USH2A: variants seen among roughly 807,000 people sequenced by gnomAD.
The protein encoded by USH2A is usherin.
USH2A carries 443 observed loss-of-function variants against 538.9 expected under a neutral mutation model. The observed-to-expected ratio is 0.82, with a 90% confidence interval of 0.76 to 0.89. USH2A has a LOEUF of 0.89. Ranked by LOEUF, USH2A falls within the 40% of genes least tolerant of loss-of-function variation. The probability of loss-of-function intolerance (pLI) is 0.00; values close to 1 mark genes in which losing one functional copy is unlikely to be tolerated. For synonymous variants in USH2A, 2,413 were observed against 2,273.5 expected, an observed-to-expected ratio of 1.06 and a Z score of -1.75; for missense variants, 6,633 against 6,324.8, an observed-to-expected ratio of 1.05 and a Z score of -1.65.
chr1:215,774,854 A>G (rs929407904), intron 55 of USH2A, among the ~76,000 whole-genome samples: 4 of 152,042 alleles, frequency 2.6e-5, no homozygotes, highest in African/African-American at 9.7e-5. Flanking sequence ...ATATTTTATC[A>G]ATAGGCAGGT....
At chr1:216,163,772 T>C (rs2034113637) in intron 21 of USH2A, among the ~76,000 whole-genome samples, 1 of 151,898 alleles carries the variant, frequency 6.6e-6, no homozygotes, top group Admixed American at 6.6e-5. Flanking sequence ...TAGACTCTAA[T>C]TTTTTGCCTG....
At chr1:215,984,023 C>A (rs1004446178) in intron 35 of USH2A, among the ~76,000 whole-genome samples, 2 of 152,186 alleles carry the variant, frequency 1.3e-5, no homozygotes, top group Non-Finnish European at 2.9e-5. Flanking sequence ...AGAATGAGTT[C>A]TGAGACTCCA....
chr1:216,084,210 AATGGCAGGG>A lies in USH2A; in HGVS notation c.5167+479_5167+487del, dbSNP rs145328997. 1.0e-3 allele frequency among the ~76,000 whole-genome samples: 159 copies of A among 152,124 alleles called. 2 individuals carry two copies. Among genetic ancestry groups the A allele is most frequent in the East Asian group, 9.3e-3 (48 of 5,172 alleles). On this transcript the variant is annotated intron_variant, in intron 25 of 71. Transcript: ENST00000307340. ...CCCCTTTCATTGTAGCCTTTTGAGC[AATGGCAGGG>A]ATGGTGGTTCTAGTCTCCAGTTCTC...
intron 9 of USH2A, among the ~76,000 whole-genome samples, chr1:216,297,943 A>G (rs1263975258): frequency 6.6e-6 from 1 of 152,162 alleles, no homozygotes; most frequent in Non-Finnish European, 1.5e-5. Flanking sequence ...TTGGATTTGA[A>G]GGAGAGAAAT....
chr1:215,845,672 T>A, intron 45 of USH2A, 152 bp downstream of exon 45: 3 of 750,328 alleles, frequency 4.0e-6, no homozygotes, highest in East Asian at 2.7e-5. Context: ...CTGCTACTGA[T>A]GACAGTGAGC....
intron 44 of USH2A, among the ~76,000 whole-genome samples, chr1:215,848,889 T>A (rs1313937958): frequency 2.0e-5 from 3 of 152,170 alleles, no homozygotes; most frequent in Non-Finnish European, 4.4e-5. Flanking sequence ...TCAAATAAGG[T>A]CTTTAAACTT....
chr1:215,814,423 A>G (rs1662799183), intron 48 of USH2A, among the ~76,000 whole-genome samples: 1 of 151,716 alleles, frequency 6.6e-6, no homozygotes, highest in African/African-American at 2.4e-5. Context: ...CAGGTATTGC[A>G]GTGAAAGACA....
intron 3 of USH2A, among the ~76,000 whole-genome samples, chr1:216,402,989 A>C (rs1037025687): frequency 6.6e-6 from 1 of 152,208 alleles, no homozygotes; most frequent in African/African-American, 2.4e-5. Context: ...ATCTTAAAAC[A>C]TTAAGTTTCT....
intron 55 of USH2A, among the ~76,000 whole-genome samples, chr1:215,772,978 T>C (rs1483807154): frequency 6.6e-6 from 1 of 152,202 alleles, no homozygotes; most frequent in Non-Finnish European, 1.5e-5. Context: ...TCACCCAAAC[T>C]GGATGTGTGG....
chr1:216,050,580 C>CCTTTCCTTTCCT (rs1255394896), intron 30 of USH2A, among the ~76,000 whole-genome samples: 2 of 30,352 alleles, frequency 6.6e-5, no homozygotes, highest in Non-Finnish European at 1.6e-4. Flanking sequence ...TTCTTTCTTT[C>CCTTTCCTTTCCT]TTTCTTTCTT....
intron 21 of USH2A, among the ~76,000 whole-genome samples, chr1:216,138,159 A>T (rs1219787332): frequency 6.6e-6 from 1 of 152,202 alleles, no homozygotes; most frequent in African/African-American, 2.4e-5. Flanking sequence ...GCTACAGATT[A>T]TAAGAGTTTT....
intron 4 of USH2A, among the ~76,000 whole-genome samples, chr1:216,337,502 C>T (rs370727564): frequency 7.3e-5 from 11 of 151,350 alleles, no homozygotes; most frequent in Admixed American, 5.3e-4. Flanking sequence ...ACATAATATA[C>T]AAGTAGAAAA....
At chr1:215,842,471 G>T (rs891627003) in intron 46 of USH2A, among the ~76,000 whole-genome samples, 2 of 152,116 alleles carry the variant, frequency 1.3e-5, no homozygotes, top group South Asian at 2.1e-4. Context: ...TATACCCAAA[G>T]AAATATAAAT....
At chr1:216,006,349 T>A (rs185164116) in intron 32 of USH2A, among the ~76,000 whole-genome samples, 1 of 152,154 alleles carries the variant, frequency 6.6e-6, no homozygotes, top group African/African-American at 2.4e-5. Context: ...CTTGGTACCT[T>A]CTTATTCCCA....
intron 61 of USH2A, among the ~76,000 whole-genome samples, chr1:215,712,698 A>T (rs934149000): frequency 1.3e-5 from 2 of 152,126 alleles, no homozygotes; most frequent in Non-Finnish European, 2.9e-5. Flanking sequence ...TGCTACTAAC[A>T]TATTTAGTGA....
chr1:215,794,808 G>T (rs1003866466), intron 50 of USH2A, among the ~76,000 whole-genome samples: 2 of 152,132 alleles, frequency 1.3e-5, no homozygotes, highest in Non-Finnish European at 2.9e-5. Flanking sequence ...AGTAAATAAA[G>T]AAGTGATTCT....
intron 4 of USH2A, among the ~76,000 whole-genome samples, chr1:216,328,218 A>G (rs1421297272): frequency 6.6e-6 from 1 of 152,152 alleles, no homozygotes; most frequent in Non-Finnish European, 1.5e-5. Flanking sequence ...TATCAATAGT[A>G]TCATAGTTCA....
chr1:215,790,383 G>T, intron 50 of USH2A, 101 bp from the exon 51 acceptor site: 2 of 1,308,100 alleles, frequency 1.5e-6, no homozygotes, highest in Non-Finnish European at 1.1e-6. Flanking sequence ...TCAGGCAGTT[G>T]CTGAAATGGT....
At chr1:215,731,138 A>G (rs11120614) in intron 60 of USH2A, among the ~76,000 whole-genome samples, 30,159 of 152,148 alleles carry the variant, frequency 0.2, 3,215 homozygotes, top group Non-Finnish European at 0.23. Context: ...GTTTCTATAA[A>G]GCCGACATTC....
Sources: gnomAD v4.1 joint callset for allele counts (sites outside exome capture counted in the v4.1 genomes callset) on GRCh38, gnomAD v4.1.1 for gene constraint, MANE v1.5 for transcripts, NCBI Gene and HGNC (gene_info 2026-07-23, HGNC 2026-07-21) for gene names.